Variants in DPP6 observed in about 807,000 individuals in gnomAD.
DPP6 encodes A-type potassium channel modulatory protein DPP6.
In DPP6, 69 loss-of-function variants were observed where a neutral mutation model predicts 122.6. The ratio of observed to expected loss-of-function variants is 0.56; its 90% CI spans 0.46 to 0.69. The LOEUF (loss-of-function observed/expected upper bound fraction) is 0.69, where lower values mean the gene tolerates loss of function less well. DPP6 is among the 30% of genes least tolerant of loss of function. DPP6 has a pLI of 0.00. For synonymous variants in DPP6, 418 were observed against 433.1 expected (o/e 0.97, Z 0.43); for missense variants, 928 against 1,116.9 (o/e 0.83, Z 2.41).
At chr7:154,496,545 G>A (rs551156174) in intron 3 of DPP6, among the ~76,000 whole-genome samples, 4 of 152,320 alleles carry the variant, frequency 2.6e-5, no homozygotes, top group South Asian at 2.1e-4. Flanking sequence ...GCATGCGCCC[G>A]TGGCTAGACC....
chr7:154,075,212 T>C (rs932428233), intron 1 of DPP6, among the ~76,000 whole-genome samples: 1 of 151,852 alleles, frequency 6.6e-6, no homozygotes, highest in South Asian at 2.1e-4. Context: ...TGTAGGAATG[T>C]AAACTAGTAT....
Position 153,991,257 on chromosome 7 carries a change from T to C in DPP6, c.51+103523T>C, listed in dbSNP as rs556479233. ...CTGGCCTGCCTCTCTCATTGGGGAA[T>C]CAAATATTAAAAAAAAAATACTTAT... is the stretch of plus-strand genomic sequence containing the variant. On this transcript the variant is annotated intron_variant, in intron 1 of 25. Transcript: ENST00000404039. 5.3e-5 allele frequency among the ~76,000 whole-genome samples: 8 copies of C among 151,982 alleles called. No individual in the cohort carries two copies. The South Asian group carries it at 1.7e-3, about 32-fold the overall frequency.
chr7:154,192,636 G>T (rs144747462), intron 1 of DPP6, among the ~76,000 whole-genome samples: 1 of 152,252 alleles, frequency 6.6e-6, no homozygotes, highest in Non-Finnish European at 1.5e-5. Flanking sequence ...CTTGAGGAAG[G>T]CCACAAGAAG....
At chr7:153,759,451 A>G in the DPP6 span, among the ~76,000 whole-genome samples, 2 of 151,986 alleles carry the variant, frequency 1.3e-5, no homozygotes, top group Admixed American at 1.3e-4. Flanking sequence ...CCTCTCTAGT[A>G]GCTGGGACTA....
chr7:154,759,112 T>C (rs62475824), intron 8 of DPP6, among the ~76,000 whole-genome samples: 16,603 of 152,148 alleles, frequency 0.11, 973 homozygotes, highest in Non-Finnish European at 0.13. Flanking sequence ...GGGGAGAAGC[T>C]CTGAGACCCA....
At chr7:153,756,231 C>T in the DPP6 span, among the ~76,000 whole-genome samples, 5 of 151,556 alleles carry the variant, frequency 3.3e-5, no homozygotes, top group East Asian at 1.9e-4. Context: ...TGGTATCTGT[C>T]GTTTTCCACA....
At chr7:154,229,071 T>C (rs1800770484) in intron 1 of DPP6, among the ~76,000 whole-genome samples, 1 of 152,164 alleles carries the variant, frequency 6.6e-6, no homozygotes, top group South Asian at 2.1e-4. Context: ...TGAAGGTTTC[T>C]TGGGCGTTTT....
chr7:154,232,160 A>G (rs905087586), intron 1 of DPP6, among the ~76,000 whole-genome samples: 3 of 152,128 alleles, frequency 2.0e-5, no homozygotes, highest in Non-Finnish European at 4.4e-5. Context: ...TGAGATGACA[A>G]AGGGGCAGGT....
chr7:154,245,635 CAA>C lies in DPP6; in HGVS notation c.243+192588_243+192589del, dbSNP rs71182888. On this transcript the variant is annotated intron_variant, in intron 1 of 25. Transcript: ENST00000377770. ...CTGGGCAACAAGAGTAAGACTGTCT[CAA>C]AAAAAAAAAAAAAAAGCTATGGCTA... 7.7e-3 allele frequency among the ~76,000 whole-genome samples: 771 copies of C among 100,614 alleles called. 11 individuals are homozygous for C. Among genetic ancestry groups the C allele is most frequent in the Middle Eastern group, 0.017 (3 of 180 alleles). The allele number at this position is 100,614 out of a possible 152,430, so 66.0% of individuals were successfully genotyped here. A position where few individuals can be genotyped will look rare whatever the true frequency, so the allele number is the denominator to read the frequency against.
At chr7:154,221,463 T>G (rs6976816) in intron 1 of DPP6, among the ~76,000 whole-genome samples, 14,095 of 152,092 alleles carry the variant, frequency 0.093, 1,253 homozygotes, top group African/African-American at 0.23. Context: ...CGACCCTCAT[T>G]AGGTTTCAAT....
chr7:154,887,848 C>T (rs1437602404), intron 23 of DPP6, 114 bp downstream of exon 23: 21 of 1,226,598 alleles, frequency 1.7e-5, no homozygotes, highest in Non-Finnish European at 2.4e-5. Flanking sequence ...ATGCTTCTCC[C>T]TCACCAGCAC....
chr7:154,329,683 A>G (rs557712733), intron 1 of DPP6, among the ~76,000 whole-genome samples: 1 of 152,348 alleles, frequency 6.6e-6, no homozygotes, highest in East Asian at 1.9e-4. Context: ...ATTACTGGGT[A>G]TATACCCAAA....
intron 1 of DPP6, among the ~76,000 whole-genome samples, chr7:154,382,598 AGC>A (rs1813723353): frequency 6.6e-6 from 1 of 152,246 alleles, no homozygotes; most frequent in African/African-American, 2.4e-5. Flanking sequence ...TGCTGCGCTC[AGC>A]GCTCAGCGCT....
chr7:154,783,687 G>A (rs952955065), intron 10 of DPP6, among the ~76,000 whole-genome samples: 1 of 152,198 alleles, frequency 6.6e-6, no homozygotes, highest in African/African-American at 2.4e-5. Context: ...CCCCTCGAGA[G>A]ACAGTCTTAC....
At chr7:154,575,656 GGTGT>G (rs1264404576) in intron 5 of DPP6, among the ~76,000 whole-genome samples, 1 of 139,480 alleles carries the variant, frequency 7.2e-6, no homozygotes, top group Admixed American at 7.2e-5. Context: ...GTTTTTGTGT[GGTGT>G]GTGTGTATGT....
At chr7:154,798,170 C>A (rs117858566) in intron 12 of DPP6, among the ~76,000 whole-genome samples, 3 of 152,366 alleles carry the variant, frequency 2.0e-5, no homozygotes, top group African/African-American at 2.4e-5. Context: ...AGCTGGCCAC[C>A]TGCAGTTCTG....
intron 6 of DPP6, among the ~76,000 whole-genome samples, chr7:154,652,976 C>T (rs1380013150): frequency 6.6e-6 from 1 of 152,190 alleles, no homozygotes; most frequent in Non-Finnish European, 1.5e-5. Flanking sequence ...TCCATTCATT[C>T]TTTAAGGAAC....
chr7:154,374,000 A>G (rs1383408855), intron 1 of DPP6, among the ~76,000 whole-genome samples: 1 of 152,208 alleles, frequency 6.6e-6, no homozygotes, highest in Non-Finnish European at 1.5e-5. Context: ...GGTGAGTGCT[A>G]AGTTTTAAAC....
chr7:153,810,671 C>CCTCTCTCTCTCTCTCTCT, the DPP6 span, among the ~76,000 whole-genome samples: 15 of 124,632 alleles, frequency 1.2e-4, no homozygotes, highest in Non-Finnish European at 1.6e-4. Context: ...CTCTCTCTCT[C>CCTCTCTCTCTCTCTCTCT]CTCTCTCTCT....
Sources: allele counts gnomAD v4.1 joint callset (sites outside exome capture counted in the v4.1 genomes callset), GRCh38; gene constraint gnomAD v4.1.1; transcripts MANE v1.5; gene names NCBI Gene and HGNC (gene_info 2026-07-23, HGNC 2026-07-21).